METTL16: variants seen among roughly 807,000 people sequenced by gnomAD.
The protein encoded by METTL16 is RNA N(6)-adenosine-methyltransferase METTL16.
Under a neutral mutation model 57.9 loss-of-function variants are expected in METTL16, and 19 were observed. The observed-to-expected ratio is 0.33, with a 90% CI of 0.23 to 0.48. The LOEUF (loss-of-function observed/expected upper bound fraction) is 0.48. METTL16 is among the 20% of genes least tolerant of loss of function. The probability of loss-of-function intolerance (pLI) is 0.99; values close to 1 mark genes in which losing one functional copy is unlikely to be tolerated. For synonymous variants in METTL16, 246 were observed against 255.6 expected, an observed-to-expected ratio of 0.96 and a Z score of 0.36; for missense variants, 434 against 691.5, an observed-to-expected ratio of 0.63 and a Z score of 4.18.
intron 5 of METTL16, among the ~76,000 whole-genome samples, chr17:2,467,093 C>T (rs1037706493): frequency 2.0e-5 from 3 of 152,092 alleles, no homozygotes; most frequent in African/African-American, 7.2e-5. Flanking sequence ...GTGTGAGTCA[C>T]CGTGCAAGCT....
rs1257307470 is a variant in METTL16 at position 2,420,897 on chromosome 17, G to A, written c.896C>T (p.Pro299Leu). 1.2e-6 allele frequency: 2 copies of A among 1,612,124 alleles called. No individual in the cohort carries two copies. The highest frequency in any genetic ancestry group is 2.2e-5 in the East Asian group (1 of 44,866). Reference protein sequence around the residue: ...FYDDVTVPSPPSKRRKLEKPR... With the variant: ...FYDDVTVPSPLSKRRKLEKPR... ...TTTCTCTAATTTTCTTCGCTTACTT[G>A]GTGGTGACTGCAAGAAAAAGGAAGC... Residue 299 changes from proline to leucine, a missense_variant, in exon 9 of 10, where the codon CCA becomes CTA. Around this residue, in one of 5 missense-constraint regions of METTL16, gnomAD observed 96 missense variants for 138.3 expected, o/e 0.69. Transcript: ENST00000263092. This position sits in a 1 kb window ranked among gnomAD's most constrained non-coding sequence, Gnocchi z 5.4.
At chr17:2,483,264 G>A (rs745481011) in intron 2 of METTL16, among the ~76,000 whole-genome samples, 17 of 152,226 alleles carry the variant, frequency 1.1e-4, no homozygotes, top group Non-Finnish European at 2.2e-4. Context: ...TTTCACAACA[G>A]ACAACCTTAA....
chr17:2,427,952 CAAA>C (rs36089320), intron 8 of METTL16, among the ~76,000 whole-genome samples: 1 of 127,266 alleles, frequency 7.9e-6, no homozygotes, highest in Non-Finnish European at 1.6e-5. Context: ...CATCTTTACC[CAAA>C]AAAAAAAAAA....
At position 2,421,646 on chromosome 17, in the gene METTL16, C is replaced by T. The variant is rs1249036713; in HGVS notation, c.889-742G>A. ...TGACAACTCGAGGACCCTGGGGGCACTGTGTTCTTGGCTGGAAAGAACTGC... is the reference window on the plus strand; with the variant it reads ...TGACAACTCGAGGACCCTGGGGGCATTGTGTTCTTGGCTGGAAAGAACTGC... On this transcript the variant is annotated intron_variant, in intron 8 of 9. Transcript: ENST00000263092. 2.0e-5 allele frequency among the ~76,000 whole-genome samples: 3 copies of T among 152,178 alleles called. No individual in the cohort carries two copies. In the East Asian group the frequency reaches 5.8e-4, roughly 29 times the overall value.
At chr17:2,468,539 T>A (rs2067216798) in intron 4 of METTL16, among the ~76,000 whole-genome samples, 1 of 152,148 alleles carries the variant, frequency 6.6e-6, no homozygotes, top group African/African-American at 2.4e-5. Context: ...AACTAAGCCA[T>A]GCCAAAATTT....
intron 6 of METTL16, among the ~76,000 whole-genome samples, chr17:2,446,077 A>G (rs1240458715): frequency 6.6e-6 from 1 of 152,180 alleles, no homozygotes; most frequent in African/African-American, 2.4e-5. Flanking sequence ...AAAACTCATC[A>G]TTCATGATTA....
chr17:2,481,364 A>G (rs924684294), intron 2 of METTL16, among the ~76,000 whole-genome samples: 2 of 152,116 alleles, frequency 1.3e-5, no homozygotes, highest in African/African-American at 4.8e-5. Context: ...TCTGACAGAT[A>G]CCCCCTTAAC....
rs149876320 is a variant in METTL16, at chr17:2,499,287, C to T, written c.128+2917G>A. On this transcript the variant is annotated intron_variant, in intron 2 of 9. Transcript: ENST00000263092. Reference sequence around the variant, plus strand: ...TTTTTGTTAAATAGCTGATTAAGTACAATAGTAAGTATAGAGAGGAAACAA... The same window carrying T: ...TTTTTGTTAAATAGCTGATTAAGTATAATAGTAAGTATAGAGAGGAAACAA... Among the ~76,000 whole-genome samples, 128 of 145,104 alleles carry T rather than the reference C, an allele frequency of 8.8e-4. 4 individuals carry two copies. Among genetic ancestry groups the T allele is most frequent in the African/African-American group, 3.1e-3 (123 of 39,166 alleles).
intron 3 of METTL16, among the ~76,000 whole-genome samples, chr17:2,474,878 C>A (rs2067259224): frequency 6.6e-6 from 1 of 151,826 alleles, no homozygotes. Context: ...CGAGATCGTG[C>A]CATTGCACTC....
chr17:2,432,152 G>A (rs1346659949), intron 8 of METTL16, among the ~76,000 whole-genome samples: 2 of 152,132 alleles, frequency 1.3e-5, no homozygotes, highest in Non-Finnish European at 1.5e-5. Flanking sequence ...AGGTTTCACC[G>A]TGTTAGCCAG....
rs1228629381 is a variant in METTL16, at chr17:2,416,989, GAAATGGAAACATCC to G, written c.*2967_*2980del. 8.7e-5 allele frequency: 13 copies of G among 148,762 alleles called. No individual in the cohort carries two copies. Among genetic ancestry groups the G allele is most frequent in the Admixed American group, 8.1e-4 (12 of 14,868 alleles). 9.2% of individuals were successfully genotyped at this position (148,762 alleles called of 1,614,324 possible). On this transcript the variant is annotated 3_prime_UTR_variant, in exon 10 of 10. Transcript: ENST00000263092. The stretch of plus-strand genomic sequence containing the variant: ...GCCTAAGAAAATCTTCTCAGGGAAG[GAAATGGAAACATCC>G]AAATGCACAGAAGGCACTCGGCTCC...
chr17:2,507,461 G>A (rs1371474484), intron 1 of METTL16, among the ~76,000 whole-genome samples: 4 of 149,726 alleles, frequency 2.7e-5, no homozygotes, highest in Admixed American at 6.6e-5. Context: ...GGGAAGTGAG[G>A]AGCCCCTCTG....
intron 2 of METTL16, among the ~76,000 whole-genome samples, chr17:2,498,342 G>A (rs1402729646): frequency 6.6e-6 from 1 of 151,422 alleles, no homozygotes; most frequent in East Asian, 1.9e-4. Context: ...AACCCGGGAG[G>A]CAGAGCTTGC....
chr17:2,432,875 C>T (rs1452752937), intron 8 of METTL16, among the ~76,000 whole-genome samples: 1 of 152,180 alleles, frequency 6.6e-6, no homozygotes, highest in Non-Finnish European at 1.5e-5. Flanking sequence ...GTGGTAGATA[C>T]TATTATTCTT....
Position 2,502,193 on chromosome 17 carries a change from C to G in METTL16, c.128+11G>C, listed in dbSNP as rs939615556. ...CACAAGAATAACAGTGATTTTTCAT[C>G]CGTTACCTACCTCACTCTTCCATTC... On this transcript the variant is annotated intron_variant, in intron 2 of 9. Transcript: ENST00000263092. The G allele has an allele frequency of 2.5e-6, 4 of 1,610,872 alleles. No homozygotes were observed. The highest frequency in any genetic ancestry group is 1.3e-5 in the African/African-American group (1 of 74,778).
chr17:2,507,817 G>A (rs1382674335), intron 1 of METTL16, among the ~76,000 whole-genome samples: 1 of 152,190 alleles, frequency 6.6e-6, no homozygotes, highest in Non-Finnish European at 1.5e-5. Flanking sequence ...CTGTTGATCT[G>A]TGACCTTACC....
intron 4 of METTL16, among the ~76,000 whole-genome samples, chr17:2,468,850 G>A (rs988239900): frequency 3.9e-5 from 6 of 152,048 alleles, no homozygotes; most frequent in East Asian, 1.9e-4. Context: ...ATCACGCCAC[G>A]GCACACCGGC....
intron 3 of METTL16, among the ~76,000 whole-genome samples, chr17:2,475,627 C>G (rs1484347849): frequency 6.6e-6 from 1 of 152,212 alleles, no homozygotes; most frequent in African/African-American, 2.4e-5. Flanking sequence ...TAGAACGCAA[C>G]AGATTCTCTA....
At chr17:2,426,728 CA>C (rs778818177) in intron 8 of METTL16, among the ~76,000 whole-genome samples, 1,603 of 35,156 alleles carry the variant, frequency 0.046, 10 homozygotes, top group African/African-American at 0.14. Context: ...GACTCCGTCT[CA>C]AAAAAAAAAA....
Sources: allele counts gnomAD v4.1 joint callset (sites outside exome capture counted in the v4.1 genomes callset), GRCh38; gene constraint gnomAD v4.1.1; regional missense constraint gnomAD v4.1.1; non-coding constraint Gnocchi (gnomAD v3.1); transcripts MANE v1.5; gene names NCBI Gene and HGNC (gene_info 2026-07-23, HGNC 2026-07-21).